The following POLR1D variants were observed in gnomAD, a reference collection of about 807,000 sequenced individuals.
POLR1D encodes DNA-directed RNA polymerases I and III subunit RPAC2.
POLR1D carries 8 observed loss-of-function variants against 10.8 expected under a neutral mutation model. That is an observed-to-expected ratio of 0.74 (90% CI 0.43 to 1.33). The LOEUF is 1.33. Among genes scored for constraint, POLR1D ranks in the 40% most tolerant of loss-of-function variants. POLR1D has a pLI of 0.01. For synonymous variants in POLR1D, 54 were observed against 57.2 expected, an observed-to-expected ratio of 0.94 and a Z score of 0.25; for missense variants, 152 against 161.7, an observed-to-expected ratio of 0.94 and a Z score of 0.32.
chr13:27,629,485 G>A (rs1306284452), intron 1 of POLR1D, among the ~76,000 whole-genome samples: 2 of 152,180 alleles, frequency 1.3e-5, no homozygotes, highest in Non-Finnish European at 1.5e-5. Flanking sequence ...TTGATGTTGA[G>A]CAAGCTGGGT....
chr13:27,657,173 T>C (rs537044897), intron 2 of POLR1D, among the ~76,000 whole-genome samples: 1 of 152,308 alleles, frequency 6.6e-6, no homozygotes, highest in Non-Finnish European at 1.5e-5. Flanking sequence ...AAATATGTCT[T>C]CTATTTATCA....
chr13:27,646,268 G>C (rs1027506690), intron 1 of POLR1D: 1 of 152,132 alleles, frequency 6.6e-6, no homozygotes, highest in South Asian at 2.1e-4. Context: ...TTATGGGAAA[G>C]GAAGAGGCAT....
At chr13:27,666,828 T>C (rs988279624) in exon 3 of POLR1D, 1 of 152,160 alleles carries the variant, frequency 6.6e-6, no homozygotes, top group Non-Finnish European at 1.5e-5. Context: ...TACAAACCTT[T>C]CAAACCTGTA....
At chr13:27,634,853 T>C (rs541860184) in intron 1 of POLR1D, among the ~76,000 whole-genome samples, 1 of 152,054 alleles carries the variant, frequency 6.6e-6, no homozygotes, top group Non-Finnish European at 1.5e-5. Flanking sequence ...TTTTTGTATT[T>C]TTTGTAGAGA....
chr13:27,642,205 T>G (rs1407714382), intron 1 of POLR1D, among the ~76,000 whole-genome samples: 1 of 152,202 alleles, frequency 6.6e-6, no homozygotes, highest in Admixed American at 6.5e-5. Context: ...AAGGGAAAAG[T>G]GTTTTCCAGA....
rs147272407 is a variant in POLR1D at position 27,663,449 on chromosome 13, A to G, written c.102-2237A>G. Reference sequence around the variant, plus strand: ...ATGTAAATGCCAGTTTTCTTGTGGAATTATTCTATAAAACCATCTCATTCT... The same window carrying G: ...ATGTAAATGCCAGTTTTCTTGTGGAGTTATTCTATAAAACCATCTCATTCT... On this transcript the variant is annotated intron_variant, in intron 2 of 2. Transcript: ENST00000399697. This position sits in a 1 kb window ranked among gnomAD's most constrained non-coding sequence, Gnocchi z 4.1. Among the ~76,000 whole-genome samples the G allele has an allele frequency of 2.1e-3, 316 of 152,318 alleles. 2 individuals carry two copies. Among genetic ancestry groups the G allele is most frequent in the African/African-American group, 7.2e-3 (298 of 41,588 alleles).
At chr13:27,643,681 G>A (rs1956195538) in intron 1 of POLR1D, among the ~76,000 whole-genome samples, 1 of 152,046 alleles carries the variant, frequency 6.6e-6, no homozygotes, top group African/African-American at 2.4e-5. Flanking sequence ...TTCTCTCTAA[G>A]CTTTATCATT....
At chr13:27,649,659 G>A (rs1284805547) in intron 2 of POLR1D, among the ~76,000 whole-genome samples, 1 of 152,156 alleles carries the variant, frequency 6.6e-6, no homozygotes, top group Non-Finnish European at 1.5e-5. Context: ...GGAAACATCA[G>A]TATGAGGTTG....
At chr13:27,642,743 T>C (rs936042662) in intron 1 of POLR1D, among the ~76,000 whole-genome samples, 4 of 152,226 alleles carry the variant, frequency 2.6e-5, no homozygotes, top group African/African-American at 9.6e-5. Flanking sequence ...TTCTGCTTCC[T>C]ATAAAATACA....
At chr13:27,666,197 ATTG>A (rs1593297290) in exon 3 of POLR1D, 3 of 456,398 alleles carry the variant, frequency 6.6e-6, no homozygotes, top group East Asian at 3.2e-5. Context: ...AGACTTACAT[ATTG>A]TTGTTTATCT....
At chr13:27,627,453 A>T (rs1956024297), downstream of POLR1D, among the ~76,000 whole-genome samples, 1 of 152,154 alleles carries the variant, frequency 6.6e-6, no homozygotes, top group Non-Finnish European at 1.5e-5. Flanking sequence ...GAGAAGGCAG[A>T]CAAGAGCTGT....
chr13:27,662,981 GTC>G (rs1313056586), intron 2 of POLR1D, among the ~76,000 whole-genome samples: 1 of 152,184 alleles, frequency 6.6e-6, no homozygotes, highest in African/African-American at 2.4e-5. Context: ...CCCAGCCACT[GTC>G]TCATGTAGTG....
chr13:27,665,984 G>T (rs760445177), exon 3 of POLR1D: 1 of 1,609,116 alleles, frequency 6.2e-7, no homozygotes. Flanking sequence ...AGCCCTGCGG[G>T]CCTCCGTGCT....
At chr13:27,634,670 C>T (rs908642711) in intron 1 of POLR1D, among the ~76,000 whole-genome samples, 2 of 146,366 alleles carry the variant, frequency 1.4e-5, no homozygotes, top group Non-Finnish European at 3.0e-5. Context: ...ACTCCATAGA[C>T]TCTGCTTTTT....
At chr13:27,650,983 CAGA>C (rs1290624047) in intron 2 of POLR1D, 2 of 152,134 alleles carry the variant, frequency 1.3e-5, no homozygotes, top group Non-Finnish European at 2.9e-5. Context: ...GAAAACTTTA[CAGA>C]AGAATTGTAA....
At chr13:27,639,800 G>A (rs1409584360) in intron 1 of POLR1D, among the ~76,000 whole-genome samples, 1 of 152,092 alleles carries the variant, frequency 6.6e-6, no homozygotes, top group African/African-American at 2.4e-5. Flanking sequence ...CCAGGTGAGG[G>A]GACTTGAGTT....
intron 1 of POLR1D, among the ~76,000 whole-genome samples, chr13:27,640,405 T>C (rs186219550): frequency 6.6e-4 from 100 of 152,288 alleles, no homozygotes; most frequent in African/African-American, 2.1e-3. Context: ...TAATTTAGAG[T>C]ATGGAAAGGT....
intron 2 of POLR1D, among the ~76,000 whole-genome samples, chr13:27,652,907 A>ACTTC (rs1365436145): frequency 0.032 from 2,500 of 78,342 alleles, 176 homozygotes; most frequent in African/African-American, 0.053. Context: ...TGCATTTACC[A>ACTTC]TTTCTTTTTT....
chr13:27,665,615 C>A, intron 2 of POLR1D: 1 of 1,408,258 alleles, frequency 7.1e-7, no homozygotes, highest in Non-Finnish European at 1.0e-6. Context: ...GTACTAATCA[C>A]GATAGTGGGT....
Sources: gnomAD v4.1 joint callset for allele counts (sites outside exome capture counted in the v4.1 genomes callset) on GRCh38, gnomAD v4.1.1 for gene constraint, Gnocchi (gnomAD v3.1) non-coding constraint, MANE v1.5 for transcripts, NCBI Gene and HGNC (gene_info 2026-07-23, HGNC 2026-07-21) for gene names.